Variants in ZNF350 observed in about 807,000 individuals in gnomAD.
ZNF350 encodes KRAB zinc finger protein ZFQR.
In ZNF350, 5 loss-of-function variants were observed where a neutral mutation model predicts 13.1. That is an observed-to-expected ratio of 0.38 (90% CI 0.20 to 0.80). The LOEUF (loss-of-function observed/expected upper bound fraction) is 0.80, where lower values mean the gene tolerates loss of function less well. ZNF350 is among the 30% of genes least tolerant of loss of function. ZNF350 has a pLI of 0.43. For missense variants in ZNF350, 534 were observed against 644.2 expected, an observed-to-expected ratio of 0.83 and a Z score of 1.85; for synonymous variants, 199 against 224.2, an observed-to-expected ratio of 0.89 and a Z score of 1.00.
In ZNF350 at chr19:51,966,290, GTTTTTTTT is replaced by G. The variant is rs573199392; in HGVS notation, c.239-84_239-77del. ...TTGTTGTGGTTTTTTTGTTTTTTTTGTTTTTTTTTTTAAGATGGAGTTTTACTCCGTTG... is the reference window on the plus strand; with the variant it reads ...TTGTTGTGGTTTTTTTGTTTTTTTTGTTTAAGATGGAGTTTTACTCCGTTG... On this transcript the variant is annotated intron_variant, in intron 4 of 4. Coordinates refer to ENST00000243644, the MANE Select transcript of ZNF350 (RefSeq NM_021632.4). 9 of 1,083,948 alleles carry G rather than the reference GTTTTTTTT, an allele frequency of 8.3e-6. No individual in the cohort carries two copies. The African/African-American group carries it at 1.5e-4, about 18-fold the overall frequency. 67.1% of individuals were successfully genotyped at this position (1,083,948 alleles called of 1,614,324 possible).
intron 1 of ZNF350, chr19:51,980,856 A>G (rs1191280294): frequency 6.6e-6 from 1 of 152,216 alleles, no homozygotes; most frequent in Admixed American, 6.5e-5. Context: ...GGACCTATCT[A>G]AGGCACCACA....
At chr19:51,980,740 G>A (rs531114015) in intron 1 of ZNF350, among the ~76,000 whole-genome samples, 1 of 152,186 alleles carries the variant, frequency 6.6e-6, no homozygotes, top group Non-Finnish European at 1.5e-5. Flanking sequence ...TGATATTGGT[G>A]AATTACAAAA....
chr19:51,985,710 A>G (rs968329457), intron 1 of ZNF350, among the ~76,000 whole-genome samples: 1 of 152,176 alleles, frequency 6.6e-6, no homozygotes, highest in South Asian at 2.1e-4. Context: ...CACTCACTAT[A>G]TATTAAGAAG....
At chr19:51,969,233 T>A (rs2085663918) in intron 2 of ZNF350, 102 bp from the exon 3 acceptor site, 7 of 1,394,716 alleles carry the variant, frequency 5.0e-6, no homozygotes. Context: ...TGTGTGCATA[T>A]ACCAAATAGT....
chr19:51,980,561 T>G (rs986576402), intron 1 of ZNF350, among the ~76,000 whole-genome samples: 21 of 152,192 alleles, frequency 1.4e-4, no homozygotes, highest in African/African-American at 5.1e-4. Flanking sequence ...AAATCCATGG[T>G]TCTGTGGTTA....
chr19:51,968,509 A>C (rs2085640044), intron 4 of ZNF350, 69 bp downstream of exon 4: 2 of 1,373,752 alleles, frequency 1.5e-6, no homozygotes, highest in East Asian at 4.6e-5. Flanking sequence ...CCCCCTTCAC[A>C]GCTGTGCTGC....
rs1216962973 is a variant in ZNF350, at chr19:51,965,261, C to T, written c.1192G>A (p.Gly398Arg). 1 of 1,614,100 alleles carries T rather than the reference C, an allele frequency of 6.2e-7. No individual in the cohort carries two copies. Among genetic ancestry groups the T allele is most frequent in the Non-Finnish European group, 8.5e-7 (1 of 1,179,922 alleles). Residue 398 changes from glycine to arginine, a missense_variant, in exon 5 of 5, where the codon GGA becomes AGA. Coordinates refer to ENST00000243644, the MANE Select transcript of ZNF350 (RefSeq NM_021632.4). ...KLIVHQRTHT[G>R]ERPYGCNECG... ...TCGTTACAGCCATAGGGTCTCTCTCCTGTATGAGTCCTTTGATGGACAATG... is the reference window on the plus strand; with the variant it reads ...TCGTTACAGCCATAGGGTCTCTCTCTTGTATGAGTCCTTTGATGGACAATG...
chr19:51,965,490 A>G lies in ZNF350; in HGVS notation c.963T>C (p.Asn321=), dbSNP rs149669124. 4.3e-6 allele frequency: 7 copies of G among 1,613,998 alleles called. No homozygotes were observed. The highest frequency in any genetic ancestry group is 5.9e-6 in the Non-Finnish European group (7 of 1,180,028). Residue 321 remains asparagine, a synonymous_variant, in exon 5 of 5, where the codon AAT becomes AAC. Transcript: ENST00000243644. ...TCTGAATGAAGCCTTTTCCACATTCATTGCATATATAAGGTTTCTCACCTG... is the reference window on the plus strand; with the variant it reads ...TCTGAATGAAGCCTTTTCCACATTCGTTGCATATATAAGGTTTCTCACCTG... ...IHTGEKPYIC[N]ECGKGFIQKT... is the part of the protein sequence containing the mutation.
In ZNF350 at chr19:51,965,768, TATGC is replaced by T. The variant is rs780248988; in HGVS notation, c.681_684del (p.Met227IlefsTer107). 9 of 1,613,888 alleles carry T rather than the reference TATGC, an allele frequency of 5.6e-6. No homozygotes were observed. In the Admixed American group the frequency reaches 8.3e-5, roughly 15 times the overall value. On this transcript the variant is annotated frameshift_variant, in exon 5 of 5. Transcript: ENST00000243644. LOFTEE classifies it low-confidence loss of function (END_TRUNC). ...CTACATCTGTGGGGTTTCTCTCCTG[TATGC>T]ATTACCTGGTGATCAGTTAGCCAAG...
At chr19:51,982,988 T>C (rs892812842) in intron 1 of ZNF350, among the ~76,000 whole-genome samples, 1 of 152,184 alleles carries the variant, frequency 6.6e-6, no homozygotes, top group Non-Finnish European at 1.5e-5. Flanking sequence ...ATCAGACTGT[T>C]ACTGTGTCTA....
In ZNF350 at chr19:51,974,505, T is replaced by C. The variant is rs1161019475; in HGVS notation, c.-145A>G. The C allele has an allele frequency of 3.0e-6, 3 of 984,776 alleles. No homozygotes were observed. The highest frequency in any genetic ancestry group is 4.6e-6 in the Non-Finnish European group (3 of 649,052). The allele number at this position is 984,776 out of a possible 1,614,324, so 61.0% of individuals were successfully genotyped here. On this transcript the variant is annotated 5_prime_UTR_variant, in exon 2 of 5. Coordinates refer to ENST00000243644, the MANE Select transcript of ZNF350 (RefSeq NM_021632.4). ...ATCCACTTCCTCCCTCTTCAGGTTA[T>C]GTTTTTTGCTCCTGAGGAGTCAGAA...
At chr19:51,972,919 G>A (rs1175882365) in intron 2 of ZNF350, 2 of 151,424 alleles carry the variant, frequency 1.3e-5, no homozygotes, top group African/African-American at 4.9e-5. Context: ...TCCCAAAGTA[G>A]GCATAAGCCA....
intron 2 of ZNF350, among the ~76,000 whole-genome samples, chr19:51,972,503 ATAAT>A (rs1474323735): frequency 6.6e-6 from 1 of 152,018 alleles, no homozygotes; most frequent in African/African-American, 2.4e-5. Context: ...GGAATTTTAT[ATAAT>A]TAATGTTCTT....
chr19:51,967,434 A>G (rs777800719), intron 4 of ZNF350: 1 of 152,044 alleles, frequency 6.6e-6, no homozygotes, highest in Non-Finnish European at 1.5e-5. Flanking sequence ...AAAATAAATA[A>G]TAATAATGAA....
At position 51,968,724 on chromosome 19, in the gene ZNF350, A is replaced by T. The variant is rs745649572; in HGVS notation, c.143-51T>A. 8 of 1,564,388 alleles carry T rather than the reference A, an allele frequency of 5.1e-6. No homozygotes were observed. The Admixed American group carries it at 6.8e-5, about 13-fold the overall frequency. On this transcript the variant is annotated intron_variant, in intron 3 of 4. Transcript: ENST00000243644. ...TTAGACATATCAAATTGGGCTGGCA[A>T]TGTCAAGAAGGAAGAATGTTACATT...
chr19:51,969,154 T>C, intron 2 of ZNF350, 23 bp from the exon 3 acceptor site: 2 of 1,607,244 alleles, frequency 1.2e-6, no homozygotes, highest in Non-Finnish European at 1.7e-6. Context: ...TCCTGTTTAA[T>C]AAAGTGATGT....
Position 51,965,898 on chromosome 19 carries a change from G to C in ZNF350, c.555C>G (p.Ile185Met), listed in dbSNP as rs1378116230. 1.9e-6 allele frequency: 3 copies of C among 1,614,000 alleles called. No individual in the cohort carries two copies. In the African/African-American group the frequency reaches 4.0e-5, roughly 22 times the overall value. Residue 185 changes from isoleucine to methionine, a missense_variant, in exon 5 of 5, where the codon ATC becomes ATG. Coordinates refer to ENST00000243644, the MANE Select transcript of ZNF350 (RefSeq NM_021632.4). ...GACTGATGAATTGGGACTTAGTGCT[G>C]ATGAGTTTTTGACTTGCAGGGAATT... Reference protein sequence around the residue: ...AIKFPASQKLISTKSQFISPK... With the variant: ...AIKFPASQKLMSTKSQFISPK...
chr19:51,970,822 C>T (rs2122893221), intron 2 of ZNF350, among the ~76,000 whole-genome samples: 1 of 152,302 alleles, frequency 6.6e-6, no homozygotes, highest in Admixed American at 6.5e-5. Context: ...AACTAAATTA[C>T]ACCAGATACA....
chr19:51,976,096 GC>G lies in ZNF350; in HGVS notation c.-171-1566del, dbSNP rs2085887809. Reference sequence around the variant, plus strand: ...CTTGCAAGACTACTCTGGACCCCTGGCGCCGTTATCTACTGCGACATCTAGA... The same window carrying G: ...CTTGCAAGACTACTCTGGACCCCTGGGCCGTTATCTACTGCGACATCTAGA... On this transcript the variant is annotated intron_variant, in intron 1 of 4. Coordinates refer to ENST00000243644, the MANE Select transcript of ZNF350 (RefSeq NM_021632.4). The surrounding 1 kb of genome is among the most constrained non-coding windows in gnomAD (Gnocchi z 4.5). 6.8e-6 allele frequency among the ~76,000 whole-genome samples: 1 copy of G among 147,216 alleles called. No homozygotes were observed.
Sources: gnomAD v4.1 joint callset for allele counts (sites outside exome capture counted in the v4.1 genomes callset) on GRCh38, gnomAD v4.1.1 for gene constraint, Gnocchi (gnomAD v3.1) non-coding constraint, MANE v1.5 for transcripts, NCBI Gene and HGNC (gene_info 2026-07-23, HGNC 2026-07-21) for gene names.